Variants in CCDC180 observed in about 807,000 individuals in gnomAD.
CCDC180 encodes the protein coiled-coil domain-containing protein 180.
CCDC180 carries 154 observed loss-of-function variants against 209.2 expected under a neutral mutation model. That is an observed-to-expected ratio of 0.74 (90% CI 0.65 to 0.84). The LOEUF (loss-of-function observed/expected upper bound fraction) is 0.84. Ranked by LOEUF, CCDC180 falls within the 40% of genes least tolerant of loss-of-function variation. The probability of loss-of-function intolerance (pLI) is 0.00; values close to 1 mark genes in which losing one functional copy is unlikely to be tolerated. For synonymous variants in CCDC180, 778 were observed against 749.1 expected, an observed-to-expected ratio of 1.04 and a Z score of -0.63; for missense variants, 1,874 against 1,997.3, an observed-to-expected ratio of 0.94 and a Z score of 1.18.
At chr9:97,339,994 G>A (rs1381579071) in intron 18 of CCDC180, among the ~76,000 whole-genome samples, 1 of 152,176 alleles carries the variant, frequency 6.6e-6, no homozygotes, top group Non-Finnish European at 1.5e-5. Context: ...CTTGTGCAAT[G>A]GTTTTCAGCT....
chr9:97,325,550 A>G (rs1343391861), intron 14 of CCDC180, among the ~76,000 whole-genome samples: 2 of 152,244 alleles, frequency 1.3e-5, no homozygotes, highest in African/African-American at 4.8e-5. Flanking sequence ...CAGGGAGTAG[A>G]CAAGGTACTT....
chr9:97,360,580 C>T (rs997629867), intron 26 of CCDC180, among the ~76,000 whole-genome samples: 3 of 152,184 alleles, frequency 2.0e-5, no homozygotes, highest in Admixed American at 1.3e-4. Context: ...ATGTCACTTC[C>T]CTACCCTCGG....
chr9:97,349,410 T>G, intron 21 of CCDC180, 119 bp downstream of exon 21: 1 of 803,626 alleles, frequency 1.2e-6, no homozygotes, highest in Non-Finnish European at 1.9e-6. Context: ...CTCCAGAGCC[T>G]TCTTTTGAGT....
At chr9:97,342,196 G>A (rs1826105820) in intron 18 of CCDC180, among the ~76,000 whole-genome samples, 2 of 152,186 alleles carry the variant, frequency 1.3e-5, no homozygotes, top group South Asian at 4.1e-4. Context: ...TTTCCAACTA[G>A]TCCCAATGAG....
At chr9:97,370,465 C>G (rs1827050064) in intron 32 of CCDC180, among the ~76,000 whole-genome samples, 176 bp from the exon 33 acceptor site, 1 of 152,008 alleles carries the variant, frequency 6.6e-6, no homozygotes, top group African/African-American at 2.4e-5. Context: ...ACCCCCGAGT[C>G]AGCTCTAGCC....
chr9:97,317,175 C>G lies in CCDC180; in HGVS notation c.906C>G (p.Gly302=). 5.0e-6 allele frequency: 8 copies of G among 1,612,862 alleles called. No individual in the cohort carries two copies. Among genetic ancestry groups the G allele is most frequent in the Non-Finnish European group, 6.8e-6 (8 of 1,179,314 alleles). The change falls in exon 9 of 37, where the codon GGC becomes GGG. Residue 302 remains glycine, a synonymous_variant. Coordinates refer to ENST00000529487, the MANE Select transcript of CCDC180 (RefSeq NM_020893.6). The part of the protein sequence containing the change: ...QELDSRHRWQ[G]LVDTWKALKK... ...TGGACAGCCGCCACCGCTGGCAAGGCTTGGTGGACACCTGGAAGGCTCTCA... is the reference window on the plus strand; with the variant it reads ...TGGACAGCCGCCACCGCTGGCAAGGGTTGGTGGACACCTGGAAGGCTCTCA...
intron 26 of CCDC180, 112 bp from the exon 27 acceptor site, chr9:97,361,614 G>T: frequency 9.7e-7 from 1 of 1,026,528 alleles, no homozygotes; most frequent in Non-Finnish European, 1.4e-6. Context: ...CAGCTAGCTT[G>T]CCTGCAGCCA....
In CCDC180 at chr9:97,312,102, T is replaced by C. The variant is rs1399093313; in HGVS notation, c.261-11T>C. The C allele has an allele frequency of 1.9e-6, 3 of 1,612,902 alleles. No individual in the cohort carries two copies. The highest frequency in any genetic ancestry group is 2.5e-6 in the Non-Finnish European group (3 of 1,179,098). ...GAGCTGGGACTTCACTCTTCTCTGC[T>C]TGTGTCTCAGGGAAAAGGAAAGAGC... On this transcript the variant is annotated splice_polypyrimidine_tract_variant and intron_variant, in intron 3 of 36. Transcript: ENST00000529487.
chr9:97,369,793 G>A, intron 31 of CCDC180, 129 bp from the exon 32 acceptor site: 1 of 964,710 alleles, frequency 1.0e-6, no homozygotes, highest in Non-Finnish European at 1.5e-6. Flanking sequence ...TGATGGAATA[G>A]CTCTTACCAC....
At position 97,361,894 on chromosome 9, in the gene CCDC180, CT is replaced by C. The variant is rs763319608; in HGVS notation, c.3653del (p.Leu1218ArgfsTer117). On this transcript the variant is annotated frameshift_variant, in exon 27 of 37. Coordinates refer to ENST00000529487, the MANE Select transcript of CCDC180 (RefSeq NM_020893.6). LOFTEE classifies it high-confidence loss of function. ...DPAVDVIRKL[L>X]QLPNTKWPTH... ...AGCTGTGGATGTGATCAGGAAGCTC[CT>C]GCAGTGAGTGGCCCCAGGGTGCACC... 3 of 1,613,856 alleles carry C rather than the reference CT, an allele frequency of 1.9e-6. No homozygotes were observed. Among genetic ancestry groups the C allele is most frequent in the Non-Finnish European group, 2.5e-6 (3 of 1,179,920 alleles).
intron 15 of CCDC180, among the ~76,000 whole-genome samples, chr9:97,327,459 T>A (rs1833571348): frequency 6.6e-6 from 1 of 152,224 alleles, no homozygotes. Flanking sequence ...CTCAATTGAT[T>A]AGCTGTTTTC....
chr9:97,314,262 C>A, intron 5 of CCDC180, 131 bp from the exon 6 acceptor site: 1 of 1,083,662 alleles, frequency 9.2e-7, no homozygotes, highest in Non-Finnish European at 1.3e-6. Flanking sequence ...TGAGCCTCAA[C>A]TCGTTAGGTC....
intron 18 of CCDC180, among the ~76,000 whole-genome samples, 174 bp downstream of exon 18, chr9:97,330,941 CA>C (rs1310918448): frequency 1.3e-5 from 2 of 152,114 alleles, no homozygotes; most frequent in Non-Finnish European, 2.9e-5. Flanking sequence ...ATTTTAGGTT[CA>C]GGGGTACATG....
Position 97,326,644 on chromosome 9 carries a change from G to A in CCDC180, c.1636G>A (p.Asp546Asn). Residue 546 changes from aspartate to asparagine, a missense_variant, in exon 15 of 37, where the codon GAT (aspartate) becomes AAT (asparagine). By Grantham distance (23) the Asp-to-Asn change is conservative (BLOSUM62 1). Coordinates refer to ENST00000529487, the MANE Select transcript of CCDC180 (RefSeq NM_020893.6). ...TLAFHLEKVK[D>N]YLKNMKSRYE... ...GGCGTTTCACCTGGAAAAGGTCAAA[G>A]ATTATCTGAAGAACATGAAATCCAG... is the stretch of plus-strand genomic sequence containing the variant. 6.2e-7 allele frequency: 1 copy of A among 1,612,196 alleles called. No homozygotes were observed. Among genetic ancestry groups the A allele is most frequent in the Non-Finnish European group, 8.5e-7 (1 of 1,178,252 alleles).
chr9:97,331,360 G>A (rs549750338), intron 18 of CCDC180, among the ~76,000 whole-genome samples: 15 of 152,310 alleles, frequency 9.8e-5, no homozygotes, highest in African/African-American at 1.7e-4. Context: ...TAGCTATTGT[G>A]AATAGTGCTG....
At chr9:97,360,854 T>A (rs1826733019) in intron 26 of CCDC180, among the ~76,000 whole-genome samples, 1 of 152,102 alleles carries the variant, frequency 6.6e-6, no homozygotes, top group Non-Finnish European at 1.5e-5. Context: ...CACCTCACAT[T>A]GGGCTGAGAT....
rs374943740 is a variant in CCDC180 at position 97,362,162 on chromosome 9, G to A, written c.3657-34G>A. On this transcript the variant is annotated intron_variant, in intron 27 of 36. Transcript: ENST00000529487. ...GGCCTGAGCTACCCCCATGGTCACC[G>A]GAGAAGAGCTCACACCCTTTCCTTT... The A allele has an allele frequency of 3.3e-5, 53 of 1,592,750 alleles. No homozygotes were observed. In the Middle Eastern group the frequency reaches 6.7e-4, roughly 20 times the overall value.
rs757904462 is a variant in CCDC180 at position 97,328,058 on chromosome 9, T to C, written c.1700T>C (p.Met567Thr). Residue 567 changes from methionine to threonine, a missense_variant, in exon 16 of 37, where the codon ATG becomes ACG. By Grantham distance (81) the Met-to-Thr change is moderately conservative. Transcript: ENST00000529487. The stretch of plus-strand genomic sequence containing the variant: ...CACACCCTCCTGACAAAGGAAGTGA[T>C]GGAGTACCCAGCGATCATGCTGAAA... ...CFHTLLTKEV[M>T]EYPAIMLKEL... The C allele has an allele frequency of 2.5e-6, 4 of 1,614,076 alleles. No individual in the cohort carries two copies. The South Asian group carries it at 4.4e-5, about 18-fold the overall frequency.
intron 8 of CCDC180, among the ~76,000 whole-genome samples, chr9:97,316,005 G>A (rs531208053): frequency 1.3e-5 from 2 of 152,172 alleles, no homozygotes; most frequent in Non-Finnish European, 1.5e-5. Context: ...ATCGTAAGTC[G>A]GGGACTGCCT....
Sources: gnomAD v4.1 joint callset for allele counts (sites outside exome capture counted in the v4.1 genomes callset) on GRCh38, gnomAD v4.1.1 for gene constraint, MANE v1.5 for transcripts, NCBI Gene and HGNC (gene_info 2026-07-23, HGNC 2026-07-21) for gene names.